The following RERE variants were observed in gnomAD, a reference collection of about 807,000 sequenced individuals.
RERE encodes arginine-glutamic acid dipeptide repeats protein.
Under a neutral mutation model 146.1 loss-of-function variants are expected in RERE, and 40 were observed. The ratio of observed to expected loss-of-function variants is 0.27; its 90% CI spans 0.21 to 0.36. The LOEUF is 0.36. Among genes scored for constraint, RERE ranks in the 10% least tolerant of loss-of-function variants. The pLI, the probability that RERE is intolerant of heterozygous loss-of-function variation, is 1.00. For synonymous variants in RERE, 1,003 were observed against 866.0 expected, an observed-to-expected ratio of 1.16 and a Z score of -2.78; for missense variants, 1,933 against 2,138.7, an observed-to-expected ratio of 0.90 and a Z score of 1.90.
intron 1 of RERE, among the ~76,000 whole-genome samples, chr1:8,763,424 G>A (rs1640790436): frequency 6.6e-6 from 1 of 152,048 alleles, no homozygotes; most frequent in Admixed American, 6.6e-5. Flanking sequence ...TTTGAAATCA[G>A]GAGTTTGAGA....
At chr1:8,702,071 G>GAAA (rs201314180) in intron 1 of RERE, among the ~76,000 whole-genome samples, 12 of 128,914 alleles carry the variant, frequency 9.3e-5, no homozygotes, top group African/African-American at 2.2e-4. Context: ...CCAGAAAGAG[G>GAAA]AAAAAAAAAA....
intron 10 of RERE, among the ~76,000 whole-genome samples, chr1:8,476,626 CAG>C (rs1300061317): frequency 6.6e-6 from 1 of 152,222 alleles, no homozygotes; most frequent in Non-Finnish European, 1.5e-5. Context: ...AATGCATTCA[CAG>C]GGGAGGTTTT....
chr1:8,409,139 C>T (rs919857129), intron 12 of RERE, among the ~76,000 whole-genome samples: 1 of 152,172 alleles, frequency 6.6e-6, no homozygotes, highest in African/African-American at 2.4e-5. Flanking sequence ...GAAGGCAGAG[C>T]CTCACACTTC....
chr1:8,602,530 A>AT (rs1646646309), intron 4 of RERE, among the ~76,000 whole-genome samples: 1 of 151,474 alleles, frequency 6.6e-6, no homozygotes, highest in Non-Finnish European at 1.5e-5. Context: ...AAAAGAAAAA[A>AT]AAAAAACTAA....
At chr1:8,445,312 A>G (rs1381217557) in intron 11 of RERE, among the ~76,000 whole-genome samples, 4 of 152,194 alleles carry the variant, frequency 2.6e-5, no homozygotes, top group African/African-American at 7.2e-5. Context: ...GCCGTATGTA[A>G]CTGCTGTTCC....
At chr1:8,761,180 T>C (rs1640750438) in intron 1 of RERE, among the ~76,000 whole-genome samples, 1 of 152,146 alleles carries the variant, frequency 6.6e-6, no homozygotes. Flanking sequence ...GAATCTGAGT[T>C]CTTTAAACAA....
Position 8,784,545 on chromosome 1 carries a change from C to T in RERE, c.-145+32615G>A, listed in dbSNP as rs74050288. ...AGATAGTAGCTGTTCAATAAACACA[C>T]GCTGAATAAATCTGTTGAACGAACG... On this transcript the variant is annotated intron_variant, in intron 1 of 22. Transcript: ENST00000400908. Among the ~76,000 whole-genome samples, 1,370 of 152,098 alleles carry T rather than the reference C, an allele frequency of 9.0e-3. 17 individuals carry two copies. Among genetic ancestry groups the T allele is most frequent in the African/African-American group, 0.032 (1,312 of 41,510 alleles).
intron 10 of RERE, 112 bp downstream of exon 10, chr1:8,494,951 C>G (rs1026714942): frequency 1.0e-5 from 8 of 762,318 alleles, no homozygotes; most frequent in Non-Finnish European, 1.9e-5. Flanking sequence ...GACCACAACT[C>G]ACTCCTGAGT....
intron 12 of RERE, among the ~76,000 whole-genome samples, chr1:8,410,871 C>T (rs935452033): frequency 4.6e-5 from 7 of 152,134 alleles, no homozygotes; most frequent in African/African-American, 1.2e-4. Context: ...GGAGCACAAC[C>T]GCAGCTCACT....
Position 8,355,004 on chromosome 1 carries a change from TGCAGC to T in RERE, c.*78_*82del. 1 of 1,129,768 alleles carries T rather than the reference TGCAGC, an allele frequency of 8.9e-7. No homozygotes were observed. Among genetic ancestry groups the T allele is most frequent in the Non-Finnish European group, 1.3e-6 (1 of 761,990 alleles). The allele number at this position is 1,129,768 out of a possible 1,614,324, so 70.0% of individuals were successfully genotyped here. A position where few individuals can be genotyped will look rare whatever the true frequency, so the allele number is the denominator to read the frequency against. Reference sequence around the variant, plus strand: ...CTTTAGAAGATATTCTTTTTGCTTTTGCAGCTCCTATTTTATGTAAAAAGTCCTGT... The same window carrying T: ...CTTTAGAAGATATTCTTTTTGCTTTTTCCTATTTTATGTAAAAAGTCCTGT... On this transcript the variant is annotated 3_prime_UTR_variant, in exon 23 of 23. Coordinates refer to ENST00000400908, the MANE Select transcript of RERE (RefSeq NM_001042681.2).
At chr1:8,541,884 A>T (rs1374117162) in intron 6 of RERE, among the ~76,000 whole-genome samples, 1 of 152,202 alleles carries the variant, frequency 6.6e-6, no homozygotes, top group African/African-American at 2.4e-5. Flanking sequence ...GCCCCAATAT[A>T]CAAGGAGTTT....
intron 1 of RERE, among the ~76,000 whole-genome samples, chr1:8,675,684 C>A (rs1439023916): frequency 6.6e-6 from 1 of 151,858 alleles, no homozygotes; most frequent in Non-Finnish European, 1.5e-5. Flanking sequence ...GATCACACCA[C>A]TGCACTCCAG....
chr1:8,747,222 C>T (rs1217988829), intron 1 of RERE, among the ~76,000 whole-genome samples: 1 of 152,052 alleles, frequency 6.6e-6, no homozygotes, highest in Non-Finnish European at 1.5e-5. Context: ...TGGATGGTCT[C>T]GATCTCCTGA....
intron 6 of RERE, among the ~76,000 whole-genome samples, chr1:8,551,944 A>G (rs745547413): frequency 1.3e-5 from 2 of 152,230 alleles, no homozygotes. Context: ...TCAAAATGCT[A>G]ACTTTACTCT....
At chr1:8,359,424 C>A (rs114245038) in intron 19 of RERE, among the ~76,000 whole-genome samples, 1 of 152,222 alleles carries the variant, frequency 6.6e-6, no homozygotes, top group Admixed American at 6.5e-5. Flanking sequence ...TCTCTCAAGG[C>A]GCCCCCTTGT....
At chr1:8,518,537 A>AAATGACCACAGAAGAAGTCT (rs1645450454) in intron 7 of RERE, among the ~76,000 whole-genome samples, 1 of 152,234 alleles carries the variant, frequency 6.6e-6, no homozygotes, top group East Asian at 1.9e-4. Flanking sequence ...CACATTTAGA[A>AAATGACCACAGAAGAAGTCT]AATGACCACA....
At chr1:8,756,743 T>C (rs77511946) in intron 1 of RERE, among the ~76,000 whole-genome samples, 3,551 of 152,322 alleles carry the variant, frequency 0.023, 129 homozygotes, top group African/African-American at 0.08. Context: ...AATTTGGCAC[T>C]GAATCTTGTT....
intron 12 of RERE, among the ~76,000 whole-genome samples, chr1:8,371,474 G>A (rs1447269762): frequency 5.3e-5 from 8 of 152,316 alleles, no homozygotes; most frequent in East Asian, 1.9e-4. Context: ...CTTGGCACCA[G>A]GCAATCTGGG....
intron 1 of RERE, among the ~76,000 whole-genome samples, chr1:8,737,125 C>T (rs767156852): frequency 9.9e-5 from 15 of 152,190 alleles, no homozygotes; most frequent in Admixed American, 1.3e-4. Context: ...AAAGATAACA[C>T]ATTCTAATGA....
Sources: gnomAD v4.1 joint callset for allele counts (sites outside exome capture counted in the v4.1 genomes callset) on GRCh38, gnomAD v4.1.1 for gene constraint, MANE v1.5 for transcripts, NCBI Gene and HGNC (gene_info 2026-07-23, HGNC 2026-07-21) for gene names.